CLCN5: variants seen among roughly 807,000 people sequenced by gnomAD.
CLCN5 encodes H(+)/Cl(-) exchange transporter 5.
CLCN5 carries 17 observed loss-of-function variants against 54.0 expected under a neutral mutation model. That is an observed-to-expected ratio of 0.31 (90% CI 0.22 to 0.47). The LOEUF is 0.47. Ranked by LOEUF, CLCN5 falls within the 20% of genes least tolerant of loss-of-function variation. CLCN5 has a pLI of 1.00. For synonymous variants in CLCN5, 222 were observed against 233.0 expected, an observed-to-expected ratio of 0.95 and a Z score of 0.43; for missense variants, 448 against 646.7, an observed-to-expected ratio of 0.69 and a Z score of 3.33.
chrX:50,056,612 G>A (rs781792816), intron 4 of CLCN5, among the ~76,000 whole-genome samples: 3 of 111,764 alleles, frequency 2.7e-5, no homozygotes, highest in Non-Finnish European at 5.6e-5. Flanking sequence ...AACTCTGTCA[G>A]TTAGCACCCT....
intron 14 of CLCN5, 147 bp downstream of exon 14, chrX:50,091,033 G>GT: frequency 4.0e-6 from 2 of 494,286 alleles, no homozygotes; most frequent in South Asian, 6.2e-5. Context: ...AAGTGGATAG[G>GT]TTTTTTTAAA....
At chrX:49,994,530 G>A (rs782017507) in intron 3 of CLCN5, among the ~76,000 whole-genome samples, 3 of 111,447 alleles carry the variant, frequency 2.7e-5, no homozygotes, top group Non-Finnish European at 3.8e-5. Context: ...AAGAAATTGA[G>A]GAGAGTAGGA....
chrX:50,002,006 C>T (rs1376559819), intron 3 of CLCN5, among the ~76,000 whole-genome samples: 8 of 110,714 alleles, frequency 7.2e-5, no homozygotes, highest in Non-Finnish European at 1.3e-4. Context: ...TGTCTTCTTA[C>T]CTCACAAGCC....
At chrX:50,042,281 A>G (rs1932248572) in intron 3 of CLCN5, 35 bp from the exon 4 acceptor site, 2 of 856,157 alleles carry the variant, frequency 2.3e-6, no homozygotes, top group Non-Finnish European at 1.6e-6. Flanking sequence ...CTTGAAGATC[A>G]TTGTTATAAG....
At chrX:49,952,863 T>C (rs1927111962) in intron 3 of CLCN5, among the ~76,000 whole-genome samples, 1 of 111,101 alleles carries the variant, frequency 9.0e-6, no homozygotes, top group Admixed American at 9.6e-5. Context: ...CCCATGCATA[T>C]AGACTTCTAG....
intron 5 of CLCN5, among the ~76,000 whole-genome samples, chrX:50,071,437 C>T (rs1338548376): frequency 8.9e-6 from 1 of 112,019 alleles, no homozygotes; most frequent in Non-Finnish European, 1.9e-5. Context: ...TCATCAGTTG[C>T]ATATTCAACA....
intron 8 of CLCN5, 29 bp downstream of exon 8, chrX:50,080,745 G>A (rs1220934512): frequency 1.8e-6 from 2 of 1,136,804 alleles, no homozygotes; most frequent in East Asian, 3.0e-5. Context: ...TTTATAAATG[G>A]TTACAATATG....
chrX:49,978,014 A>G (rs782169574), intron 3 of CLCN5, among the ~76,000 whole-genome samples: 9 of 112,213 alleles, frequency 8.0e-5, no homozygotes, highest in Non-Finnish European at 1.7e-4. Flanking sequence ...TTGCAAACCA[A>G]CGGTATGACC....
intron 12 of CLCN5, among the ~76,000 whole-genome samples, chrX:50,089,700 A>G (rs1557194459): frequency 9.0e-6 from 1 of 111,669 alleles, no homozygotes; most frequent in Non-Finnish European, 1.9e-5. Flanking sequence ...AGCCTGGGCA[A>G]CATAGTGAAA....
chrX:49,954,381 A>G (rs1321411613), intron 3 of CLCN5, among the ~76,000 whole-genome samples: 1 of 110,232 alleles, frequency 9.1e-6, no homozygotes, highest in African/African-American at 3.3e-5. Context: ...AGCTATCGCT[A>G]ATGTATTTTA....
intron 4 of CLCN5, among the ~76,000 whole-genome samples, chrX:50,064,821 C>A (rs1932939775): frequency 9.8e-6 from 1 of 101,693 alleles, no homozygotes; most frequent in South Asian, 4.5e-4. Context: ...AGATATAGAT[C>A]AATGGAACAG....
intron 11 of CLCN5, 112 bp from the exon 12 acceptor site, chrX:50,088,586 G>A (rs888884294): frequency 6.6e-5 from 47 of 712,646 alleles, no homozygotes; most frequent in Middle Eastern, 3.4e-4. Context: ...ATAGTGCATA[G>A]TTAAATTGTC....
intron 3 of CLCN5, among the ~76,000 whole-genome samples, chrX:49,949,546 T>A: frequency 8.9e-6 from 1 of 112,217 alleles, no homozygotes; most frequent in Non-Finnish European, 1.9e-5. Flanking sequence ...GGTGTTCTGG[T>A]TATTTGACTA....
chrX:49,932,140 T>G (rs1925688068), intron 3 of CLCN5, among the ~76,000 whole-genome samples: 1 of 111,572 alleles, frequency 9.0e-6, no homozygotes, highest in African/African-American at 3.3e-5. Context: ...GGTCTCGAAC[T>G]CCTAAGCTCA....
At chrX:50,009,019 A>G (rs1420083671) in intron 3 of CLCN5, 10 of 371,567 alleles carry the variant, frequency 2.7e-5, no homozygotes, top group South Asian at 5.1e-5. Flanking sequence ...CACCTATTCA[A>G]GGATTCAAAG....
At chrX:50,007,418 TCTC>T (rs1930233595) in intron 3 of CLCN5, among the ~76,000 whole-genome samples, 1 of 100,400 alleles carries the variant, frequency 1.0e-5, no homozygotes, top group African/African-American at 4.1e-5. Context: ...TCTCTCTCTC[TCTC>T]TCTCTCTCTC....
At chrX:49,931,455 T>C (rs1278733035) in intron 3 of CLCN5, among the ~76,000 whole-genome samples, 1 of 112,212 alleles carries the variant, frequency 8.9e-6, no homozygotes, top group Non-Finnish European at 1.9e-5. Context: ...AAAAGTATAA[T>C]TTCTGAAGGA....
Position 50,099,033 on chromosome X carries a change from G to A in CLCN5, c.*6814G>A, listed in dbSNP as rs1391645755. 1.8e-5 allele frequency: 2 copies of A among 112,822 alleles called. No homozygotes were observed. Among genetic ancestry groups the A allele is most frequent in the South Asian group, 7.4e-4 (2 of 2,694 alleles). 9.3% of individuals were successfully genotyped at this position (112,822 alleles called of 1,213,427 possible). ...AACTGAGACAATGAATTCAAAGCAA[G>A]TTGACAAGTAAGTGCTATGCAAATT... On this transcript the variant is annotated 3_prime_UTR_variant, in exon 15 of 15. Transcript: ENST00000376091.
At chrX:49,972,112 GGTGTGTGTGT>G (rs61157983) in intron 3 of CLCN5, among the ~76,000 whole-genome samples, 1,724 of 86,558 alleles carry the variant, frequency 0.02, 29 homozygotes, top group African/African-American at 0.065. Context: ...TGCATTCTCT[GGTGTGTGTGT>G]GTGTGTGTGT....
Sources: allele counts gnomAD v4.1 joint callset (sites outside exome capture counted in the v4.1 genomes callset), GRCh38; gene constraint gnomAD v4.1.1; transcripts MANE v1.5; gene names NCBI Gene and HGNC (gene_info 2026-07-23, HGNC 2026-07-21).